SYT1: variants seen among roughly 807,000 people sequenced by gnomAD.
The protein encoded by SYT1 is synaptotagmin-1.
In SYT1, 8 loss-of-function variants were observed where a neutral mutation model predicts 44.8. That is an observed-to-expected ratio of 0.18 (90% CI 0.10 to 0.32). SYT1 has a LOEUF of 0.32. Ranked by LOEUF, SYT1 falls within the 10% of genes least tolerant of loss-of-function variation. SYT1 has a pLI of 1.00. For synonymous variants in SYT1, 154 were observed against 188.8 expected, an observed-to-expected ratio of 0.82 and a Z score of 1.51; for missense variants, 286 against 509.3, an observed-to-expected ratio of 0.56 and a Z score of 4.22.
At chr12:79,372,698 C>A (rs1206048127) in intron 9 of SYT1, among the ~76,000 whole-genome samples, 2 of 152,184 alleles carry the variant, frequency 1.3e-5, no homozygotes, top group Non-Finnish European at 2.9e-5. Flanking sequence ...GATTCCCCAA[C>A]AAGTAGATCT....
chr12:79,183,008 TA>T (rs1872626249), intron 3 of SYT1, among the ~76,000 whole-genome samples: 1 of 152,114 alleles, frequency 6.6e-6, no homozygotes, highest in African/African-American at 2.4e-5. Context: ...CCAAATGTGT[TA>T]TATTCTTTTT....
intron 3 of SYT1, among the ~76,000 whole-genome samples, chr12:79,117,716 A>AT (rs1879379211): frequency 3.2e-5 from 3 of 92,652 alleles, no homozygotes; most frequent in Non-Finnish European, 4.6e-5. Flanking sequence ...TATATATATA[A>AT]AATAAATAGG....
At chr12:79,017,392 T>C (rs1383785262) in intron 2 of SYT1, among the ~76,000 whole-genome samples, 2 of 152,146 alleles carry the variant, frequency 1.3e-5, no homozygotes, top group Non-Finnish European at 2.9e-5. Context: ...CACAATGTAA[T>C]GGTAGAGTCT....
In SYT1 at chr12:78,882,014, A is replaced by T. The variant is rs534820580; in HGVS notation, c.-217+16905A>T. 4.5e-4 allele frequency among the ~76,000 whole-genome samples: 69 copies of T among 151,824 alleles called. 1 individual carries two copies. The highest frequency in any genetic ancestry group is 1.5e-3 in the African/African-American group (63 of 41,482). On this transcript the variant is annotated intron_variant, in intron 1 of 10. Coordinates refer to ENST00000261205, the MANE Select transcript of SYT1 (RefSeq NM_005639.3). ...TAACATTTGCACAATTTGCAATTATATATTTATTTATTATACTATTCATTA... is the reference window on the plus strand; with the variant it reads ...TAACATTTGCACAATTTGCAATTATTTATTTATTTATTATACTATTCATTA...
At chr12:79,171,554 A>T (rs1220666547) in intron 3 of SYT1, among the ~76,000 whole-genome samples, 1 of 152,052 alleles carries the variant, frequency 6.6e-6, no homozygotes, top group Admixed American at 6.6e-5. Flanking sequence ...TATTATAAAT[A>T]AAAAAGTTCT....
intron 1 of SYT1, among the ~76,000 whole-genome samples, chr12:78,922,064 T>C (rs1877038819): frequency 6.6e-6 from 1 of 151,932 alleles, no homozygotes; most frequent in Non-Finnish European, 1.5e-5. Context: ...AAGTTACATC[T>C]AAATATTACT....
intron 8 of SYT1, among the ~76,000 whole-genome samples, chr12:79,312,720 T>A (rs1258220572): frequency 1.3e-5 from 2 of 152,038 alleles, no homozygotes; most frequent in Non-Finnish European, 2.9e-5. Context: ...AGCTGCTTCT[T>A]ATTTTGGCAC....
intron 1 of SYT1, among the ~76,000 whole-genome samples, chr12:78,892,955 A>G (rs1875138591): frequency 6.6e-6 from 1 of 151,886 alleles, no homozygotes; most frequent in African/African-American, 2.4e-5. Flanking sequence ...AAGTAGCATT[A>G]TAATATTCTC....
chr12:78,945,487 T>C (rs538628165), intron 1 of SYT1, among the ~76,000 whole-genome samples: 21 of 146,244 alleles, frequency 1.4e-4, no homozygotes, highest in East Asian at 1.1e-3. Context: ...TATATATATA[T>C]ACACATTTCT....
intron 3 of SYT1, among the ~76,000 whole-genome samples, chr12:79,071,463 A>G (rs892400849): frequency 2.6e-5 from 4 of 152,208 alleles, no homozygotes; most frequent in African/African-American, 9.6e-5. Context: ...AATAAACACT[A>G]CTATAGATCA....
At chr12:79,186,330 A>G (rs1045031409) in intron 3 of SYT1, among the ~76,000 whole-genome samples, 3 of 151,966 alleles carry the variant, frequency 2.0e-5, no homozygotes, top group Non-Finnish European at 4.4e-5. Flanking sequence ...AAGTATTCTT[A>G]TACTATACTG....
intron 1 of SYT1, among the ~76,000 whole-genome samples, chr12:78,965,664 T>G (rs1187717761): frequency 6.6e-6 from 1 of 152,054 alleles, no homozygotes; most frequent in Non-Finnish European, 1.5e-5. Flanking sequence ...AACAATCACA[T>G]AGTTAATAAG....
intron 9 of SYT1, among the ~76,000 whole-genome samples, chr12:79,355,694 C>G (rs1223411349): frequency 6.6e-6 from 1 of 152,180 alleles, no homozygotes; most frequent in African/African-American, 2.4e-5. Context: ...GCCTCTATTA[C>G]TTGCTTAGGT....
intron 10 of SYT1, among the ~76,000 whole-genome samples, chr12:79,447,588 C>T (rs1288666100): frequency 2.6e-5 from 4 of 152,106 alleles, no homozygotes; most frequent in Non-Finnish European, 5.9e-5. Flanking sequence ...TGTGTCATGT[C>T]CCCCACCCCA....
At chr12:79,143,257 T>A (rs995235171) in intron 3 of SYT1, among the ~76,000 whole-genome samples, 1 of 152,198 alleles carries the variant, frequency 6.6e-6, no homozygotes, top group African/African-American at 2.4e-5. Context: ...AGAAAGTGAT[T>A]TAATTAAATT....
At chr12:79,201,907 A>AT (rs754173100) in intron 3 of SYT1, among the ~76,000 whole-genome samples, 3 of 152,168 alleles carry the variant, frequency 2.0e-5, no homozygotes, top group Non-Finnish European at 4.4e-5. Context: ...TTTTCTTTTA[A>AT]TGTCATAATA....
At chr12:79,050,458 C>T (rs1380581120) in intron 3 of SYT1, among the ~76,000 whole-genome samples, 1 of 151,968 alleles carries the variant, frequency 6.6e-6, no homozygotes, top group Non-Finnish European at 1.5e-5. Context: ...TGCTGAAGCT[C>T]AGTAATACTT....
intron 8 of SYT1, among the ~76,000 whole-genome samples, chr12:79,337,778 G>A (rs1239183137): frequency 2.0e-5 from 3 of 152,134 alleles, no homozygotes; most frequent in Non-Finnish European, 4.4e-5. Flanking sequence ...TTCTAACTGT[G>A]CAGGTCAAAT....
intron 9 of SYT1, among the ~76,000 whole-genome samples, chr12:79,433,581 A>G (rs532909837): frequency 1.3e-5 from 2 of 152,198 alleles, no homozygotes; most frequent in South Asian, 4.1e-4. Flanking sequence ...CAAATTTACC[A>G]CTTGTAATTT....
Sources: allele counts gnomAD v4.1 joint callset (sites outside exome capture counted in the v4.1 genomes callset), GRCh38; gene constraint gnomAD v4.1.1; transcripts MANE v1.5; gene names NCBI Gene and HGNC (gene_info 2026-07-23, HGNC 2026-07-21).